Variants in ANKH observed in about 807,000 individuals in gnomAD.
ANKH encodes the protein ANKH inorganic pyrophosphate transport regulator, also known as mineralization regulator ANKH.
A neutral mutation model predicts 49.0 loss-of-function variants in ANKH; 15 were observed. The observed-to-expected ratio is 0.31, with a 90% confidence interval of 0.20 to 0.47. ANKH has a LOEUF of 0.47. Among genes scored for constraint, ANKH ranks in the 20% least tolerant of loss-of-function variants. ANKH has a pLI of 1.00. For synonymous variants in ANKH, 273 were observed against 260.0 expected (o/e 1.05, Z -0.48); for missense variants, 429 against 652.0 (o/e 0.66, Z 3.72).
intron 3 of ANKH, among the ~76,000 whole-genome samples, chr5:14,757,036 A>G (rs1277281227): frequency 1.3e-5 from 2 of 152,182 alleles, no homozygotes; most frequent in African/African-American, 4.8e-5. Context: ...CACTTTTACT[A>G]ACAGTCCTGA....
chr5:14,782,744 A>G (rs952990435), intron 1 of ANKH, among the ~76,000 whole-genome samples: 1 of 152,174 alleles, frequency 6.6e-6, no homozygotes, highest in Non-Finnish European at 1.5e-5. Flanking sequence ...ATGAGAATAA[A>G]AGAAATCAGG....
chr5:14,780,388 C>A (rs1479810159), intron 1 of ANKH, among the ~76,000 whole-genome samples: 1 of 152,108 alleles, frequency 6.6e-6, no homozygotes, highest in African/African-American at 2.4e-5. Context: ...ACTAAAAATA[C>A]AAAAATTAGC....
chr5:14,840,136 C>T (rs944352583), intron 1 of ANKH, among the ~76,000 whole-genome samples: 2 of 152,192 alleles, frequency 1.3e-5, no homozygotes, highest in Non-Finnish European at 2.9e-5. Flanking sequence ...AACATTTGCT[C>T]TCATCCTTAC....
intron 1 of ANKH, among the ~76,000 whole-genome samples, chr5:14,792,926 G>A (rs1740214891): frequency 6.9e-6 from 1 of 144,478 alleles, no homozygotes; most frequent in African/African-American, 2.6e-5. Context: ...GCAGTGAGCC[G>A]AGATTATGCC....
At chr5:14,825,674 T>A (rs1195140686) in intron 1 of ANKH, among the ~76,000 whole-genome samples, 1 of 152,146 alleles carries the variant, frequency 6.6e-6, no homozygotes, top group Non-Finnish European at 1.5e-5. Context: ...AATAAACATA[T>A]CTTAGTGCCT....
intron 1 of ANKH, among the ~76,000 whole-genome samples, chr5:14,833,673 ACT>A (rs999378758): frequency 6.6e-6 from 1 of 152,126 alleles, no homozygotes; most frequent in Non-Finnish European, 1.5e-5. Context: ...CCAAGATGTC[ACT>A]CTGTGGACTG....
rs1202563397 is a variant in ANKH, at chr5:14,751,140, T to C, written c.616A>G (p.Thr206Ala). Reference protein sequence around the residue: ...SLYMGALVRCTTLCLGYYKNI... With the variant: ...SLYMGALVRCATLCLGYYKNI... ...TTGTAGTAGCCCAGGCACAGGGTGG[T>C]GCAGCGCACAAGTGCGCCCATGTAC... The change falls in exon 5 of 12, where the codon ACC becomes GCC. Residue 206 changes from threonine to alanine, a missense_variant. This residue lies in a region of ANKH where 378 missense variants were observed against 615.3 expected (regional missense o/e 0.61). Coordinates refer to ENST00000284268, the MANE Select transcript of ANKH (RefSeq NM_054027.6). 1 of 1,614,210 alleles carries C rather than the reference T, an allele frequency of 6.2e-7. No homozygotes were observed.
intron 1 of ANKH, among the ~76,000 whole-genome samples, chr5:14,850,652 G>A (rs1258066399): frequency 6.6e-6 from 1 of 152,208 alleles, no homozygotes; most frequent in African/African-American, 2.4e-5. Context: ...GGTGAATGCC[G>A]TGATGCACTC....
At chr5:14,780,215 C>T (rs777682471) in intron 1 of ANKH, among the ~76,000 whole-genome samples, 17 of 152,118 alleles carry the variant, frequency 1.1e-4, no homozygotes, top group Non-Finnish European at 2.1e-4. Flanking sequence ...GGGCCCTGAC[C>T]TTGTTATACA....
chr5:14,831,096 C>A (rs566249976), intron 1 of ANKH, among the ~76,000 whole-genome samples: 1 of 152,282 alleles, frequency 6.6e-6, no homozygotes, highest in Non-Finnish European at 1.5e-5. Context: ...AAGGATAGTT[C>A]CTGCTGAACA....
intron 1 of ANKH, among the ~76,000 whole-genome samples, chr5:14,795,449 T>G (rs543700742): frequency 1.3e-4 from 20 of 152,328 alleles, no homozygotes; most frequent in Non-Finnish European, 2.2e-4. Flanking sequence ...CCCCAAATCA[T>G]GTGCAATTGA....
Position 14,729,686 on chromosome 5 carries a change from T to G in ANKH, c.1011+12141A>C, listed in dbSNP as rs116661276. ...AGGGGCACTGTAAATACTGAAACCG[T>G]CTGTGACCTGCCACCTTGCAATGGT... On this transcript the variant is annotated intron_variant, in intron 8 of 11. Transcript: ENST00000284268. 6.9e-3 allele frequency among the ~76,000 whole-genome samples: 1,054 copies of G among 152,006 alleles called. 9 individuals carry two copies. Among genetic ancestry groups the G allele is most frequent in the African/African-American group, 0.024 (1,008 of 41,448 alleles).
Position 14,706,827 on chromosome 5 carries a change from A to G in ANKH, c.*4370T>C, listed in dbSNP as rs1579990329. ...GAGGAGTATCCCAGACACGTTGCTC[A>G]AAAACATGCTTTCCTACGGTTTGAG... On this transcript the variant is annotated 3_prime_UTR_variant, in exon 12 of 12. Coordinates refer to ENST00000284268, the MANE Select transcript of ANKH (RefSeq NM_054027.6). The G allele has an allele frequency of 6.6e-6, 1 of 152,188 alleles. No individual in the cohort carries two copies. Among genetic ancestry groups the G allele is most frequent in the Non-Finnish European group, 1.5e-5 (1 of 68,050 alleles). The allele number at this position is 152,188 out of a possible 1,614,324, so 9.4% of individuals were successfully genotyped here.
chr5:14,856,527 C>T (rs1485681733), intron 1 of ANKH, among the ~76,000 whole-genome samples: 1 of 151,890 alleles, frequency 6.6e-6, no homozygotes, highest in Non-Finnish European at 1.5e-5. Context: ...TTCGATCCAC[C>T]ATGCCGTGAT....
intron 1 of ANKH, among the ~76,000 whole-genome samples, chr5:14,853,660 T>G (rs1410452647): frequency 6.6e-6 from 1 of 152,192 alleles, no homozygotes; most frequent in Non-Finnish European, 1.5e-5. Flanking sequence ...TGTGTGGGTT[T>G]TTTTTGTTTG....
At chr5:14,743,299 T>C (rs1010480028) in intron 7 of ANKH, among the ~76,000 whole-genome samples, 5 of 152,204 alleles carry the variant, frequency 3.3e-5, no homozygotes, top group African/African-American at 1.2e-4. Flanking sequence ...AGGAGGCCTA[T>C]GTTGGAAAGA....
chr5:14,758,411 T>G, intron 3 of ANKH, 69 bp downstream of exon 3: 1 of 1,219,166 alleles, frequency 8.2e-7, no homozygotes, highest in South Asian at 1.2e-5. Flanking sequence ...AAATGGTAGA[T>G]TTTATATTAT....
intron 9 of ANKH, among the ~76,000 whole-genome samples, chr5:14,714,590 T>C (rs1415371167): frequency 1.3e-5 from 2 of 152,156 alleles, no homozygotes; most frequent in Admixed American, 6.5e-5. Context: ...GGTCTAACAG[T>C]GTGTCCTGCC....
intron 1 of ANKH, among the ~76,000 whole-genome samples, chr5:14,771,926 A>AC (rs1440675273): frequency 1.5e-5 from 2 of 132,848 alleles, no homozygotes; most frequent in South Asian, 2.9e-4. Flanking sequence ...AAAAAGAAAA[A>AC]AAAAAAAAAA....
Sources: gnomAD v4.1 joint callset for allele counts (sites outside exome capture counted in the v4.1 genomes callset) on GRCh38, gnomAD v4.1.1 for gene constraint, gnomAD v4.1.1 regional missense constraint, MANE v1.5 for transcripts, NCBI Gene and HGNC (gene_info 2026-07-23, HGNC 2026-07-21) for gene names.